The following TSEN2 variants were observed in gnomAD, a reference collection of about 807,000 sequenced individuals.
The protein encoded by TSEN2 is tRNA splicing endonuclease subunit 2.
A neutral mutation model predicts 59.2 loss-of-function variants in TSEN2; 54 were observed. That is an observed-to-expected ratio of 0.91 (90% CI 0.73 to 1.14). The LOEUF (loss-of-function observed/expected upper bound fraction) is 1.14. TSEN2 is among the 50% of genes most tolerant of loss of function. The pLI is 0.00. For synonymous variants in TSEN2, 195 were observed against 198.2 expected (o/e 0.98, Z 0.14); for missense variants, 636 against 576.2 (o/e 1.10, Z -1.06).
intron 4 of TSEN2, among the ~76,000 whole-genome samples, chr3:12,502,233 T>C (rs1247236842): frequency 2.6e-5 from 4 of 152,204 alleles, no homozygotes; most frequent in Non-Finnish European, 5.9e-5. Context: ...GAAAACATTA[T>C]GAGATCCAAA....
At chr3:12,532,285 C>T (rs1407485209) in intron 11 of TSEN2, among the ~76,000 whole-genome samples, 1 of 152,180 alleles carries the variant, frequency 6.6e-6, no homozygotes, top group Non-Finnish European at 1.5e-5. Context: ...AGGCTAGTTT[C>T]TCATAAAATG....
intron 9 of TSEN2, 60 bp downstream of exon 9, chr3:12,528,984 C>G: frequency 1.3e-6 from 2 of 1,587,708 alleles, no homozygotes; most frequent in South Asian, 1.1e-5. Context: ...TTTCTGGCCT[C>G]TAATTTAACT....
At chr3:12,497,152 T>C (rs905337808) in intron 4 of TSEN2, among the ~76,000 whole-genome samples, 2 of 152,190 alleles carry the variant, frequency 1.3e-5, no homozygotes, top group South Asian at 4.1e-4. Flanking sequence ...ACTTTCCTCA[T>C]GTGTCATACG....
intron 1 of TSEN2, among the ~76,000 whole-genome samples, chr3:12,489,407 T>C (rs1227063550): frequency 2.0e-5 from 3 of 152,128 alleles, no homozygotes; most frequent in Admixed American, 6.5e-5. Flanking sequence ...TAGGAATTCC[T>C]GGTAGTAAAT....
intron 8 of TSEN2, among the ~76,000 whole-genome samples, chr3:12,520,425 T>C (rs1360591228): frequency 6.6e-6 from 1 of 152,234 alleles, no homozygotes; most frequent in Admixed American, 6.5e-5. Context: ...TTTAGAAATG[T>C]CTGACAGTAC....
At chr3:12,509,181 G>GT (rs2055155297) in intron 6 of TSEN2, among the ~76,000 whole-genome samples, 2 of 141,392 alleles carry the variant, frequency 1.4e-5, no homozygotes, top group Non-Finnish European at 3.0e-5. Flanking sequence ...CAACTTTGGG[G>GT]GTTTTTTTTG....
chr3:12,497,571 T>G (rs1158982853), intron 4 of TSEN2, among the ~76,000 whole-genome samples: 1 of 152,152 alleles, frequency 6.6e-6, no homozygotes, highest in Non-Finnish European at 1.5e-5. Context: ...GGAGCTATAG[T>G]GCAGACAGGT....
chr3:12,519,302 G>A, intron 8 of TSEN2, 105 bp downstream of exon 8: 1 of 1,501,230 alleles, frequency 6.7e-7, no homozygotes, highest in Non-Finnish European at 9.3e-7. Flanking sequence ...TTCTAAGAAG[G>A]TATCCTTTGG....
At position 12,496,660 on chromosome 3, in the gene TSEN2, C is replaced by A. The variant is rs1048932083; in HGVS notation, c.308+106C>A. On this transcript the variant is annotated intron_variant, in intron 4 of 11. Coordinates refer to ENST00000284995, the MANE Select transcript of TSEN2 (RefSeq NM_025265.4). ...GTCCAGTCCACACCTTTTTTTCTTT[C>A]TGTTTTTGGTAGTAGATGTATCCTT... 8.8e-5 allele frequency: 103 copies of A among 1,176,034 alleles called. 2 individuals are homozygous for A. The South Asian group carries it at 1.2e-3, about 14-fold the overall frequency. 72.8% of individuals were successfully genotyped at this position (1,176,034 alleles called of 1,614,324 possible). A position where few individuals can be genotyped will look rare whatever the true frequency, so the allele number is the denominator to read the frequency against.
intron 7 of TSEN2, 77 bp downstream of exon 7, chr3:12,516,738 G>C: frequency 7.6e-7 from 1 of 1,312,438 alleles, no homozygotes; most frequent in South Asian, 1.2e-5. Flanking sequence ...TTTCTATATT[G>C]CATTAATACA....
At chr3:12,487,964 C>T (rs765332860) in intron 1 of TSEN2, among the ~76,000 whole-genome samples, 20 of 152,102 alleles carry the variant, frequency 1.3e-4, no homozygotes, top group Non-Finnish European at 2.4e-4. Context: ...AGGAAGGTTC[C>T]AACTTCCCGA....
At chr3:12,480,534 T>TTG (rs1553565224), upstream of TSEN2, among the ~76,000 whole-genome samples, 71 of 140,794 alleles carry the variant, frequency 5.0e-4, 1 homozygote, top group African/African-American at 1.8e-3. Flanking sequence ...CTTTGTTTTT[T>TTG]TTTTTTTTTT....
At chr3:12,494,030 T>C (rs941977670) in intron 3 of TSEN2, among the ~76,000 whole-genome samples, 6 of 152,216 alleles carry the variant, frequency 3.9e-5, no homozygotes, top group Admixed American at 6.5e-5. Context: ...TCCAGCTTCA[T>C]TGTTTTGCCT....
rs1223172424 is a variant in TSEN2, at chr3:12,533,047, T to A, written c.*326T>A. ...AGAGGACACTTCCAACAAGAGACAT[T>A]TATTCTCTGATTTTACCTGAAAATG... On this transcript the variant is annotated 3_prime_UTR_variant, in exon 12 of 12. Coordinates refer to ENST00000284995, the MANE Select transcript of TSEN2 (RefSeq NM_025265.4). The A allele has an allele frequency of 2.4e-6, 1 of 422,514 alleles. No individual in the cohort carries two copies. The highest frequency in any genetic ancestry group is 2.0e-5 in the African/African-American group (1 of 50,070). 26.2% of individuals were successfully genotyped at this position (422,514 alleles called of 1,614,324 possible).
intron 2 of TSEN2, among the ~76,000 whole-genome samples, chr3:12,491,320 A>C (rs889170654): frequency 6.6e-6 from 1 of 152,088 alleles, no homozygotes; most frequent in African/African-American, 2.4e-5. Flanking sequence ...ATCTAAATGG[A>C]GAAAGGGGTG....
At position 12,532,650 on chromosome 3, in the gene TSEN2, T is replaced by A. The variant is rs746582856; in HGVS notation, c.1339-12T>A. ...TGTTTTAAGAAATGGTCTTTTTTTT[T>A]ATTGGTTGTAGGAGGTGATTCTGAG... On this transcript the variant is annotated splice_polypyrimidine_tract_variant and intron_variant, in intron 11 of 11. Transcript: ENST00000284995. The A allele has an allele frequency of 1.7e-4, 277 of 1,613,838 alleles. No homozygotes were observed. The highest frequency in any genetic ancestry group is 2.5e-4 in the Admixed American group (15 of 59,984).
chr3:12,497,467 C>A (rs1273475153), intron 4 of TSEN2, among the ~76,000 whole-genome samples: 1 of 152,224 alleles, frequency 6.6e-6, no homozygotes, highest in Non-Finnish European at 1.5e-5. Context: ...ATCTCAATGG[C>A]TGTTCCAGCT....
chr3:12,526,363 A>G (rs2057083632), intron 8 of TSEN2, among the ~76,000 whole-genome samples: 1 of 152,014 alleles, frequency 6.6e-6, no homozygotes, highest in Non-Finnish European at 1.5e-5. Context: ...TTTATATCGT[A>G]TTTTTACTGT....
At chr3:12,488,180 A>G (rs2052825123) in intron 1 of TSEN2, among the ~76,000 whole-genome samples, 1 of 152,156 alleles carries the variant, frequency 6.6e-6, no homozygotes, top group Admixed American at 6.5e-5. Context: ...AGTTTTGGCC[A>G]CCTTCTTGAC....
Sources: allele counts gnomAD v4.1 joint callset (sites outside exome capture counted in the v4.1 genomes callset), GRCh38; gene constraint gnomAD v4.1.1; transcripts MANE v1.5; gene names NCBI Gene and HGNC (gene_info 2026-07-23, HGNC 2026-07-21).